SUCLG2: variants seen among roughly 807,000 people sequenced by gnomAD.
The protein encoded by SUCLG2 is succinate-CoA ligase GDP-forming subunit beta, also known as succinate--CoA ligase [GDP-forming] subunit beta, mitochondrial.
Under a neutral mutation model 47.9 loss-of-function variants are expected in SUCLG2, and 42 were observed. The ratio of observed to expected loss-of-function variants is 0.88; its 90% CI spans 0.69 to 1.14. SUCLG2 has a LOEUF of 1.14. Among genes scored for constraint, SUCLG2 ranks in the 50% most tolerant of loss-of-function variants. The pLI is 0.00. For missense variants in SUCLG2, 571 were observed against 525.9 expected (o/e 1.09, Z -0.84); for synonymous variants, 195 against 197.3 (o/e 0.99, Z 0.10).
intron 1 of SUCLG2, among the ~76,000 whole-genome samples, chr3:67,643,400 A>G (rs1304568306): frequency 2.0e-5 from 3 of 152,188 alleles, no homozygotes; most frequent in African/African-American, 7.2e-5. Flanking sequence ...TGGAAGTTTG[A>G]TGATGTTTCT....
At chr3:67,608,549 T>A (rs1480389069) in intron 2 of SUCLG2, among the ~76,000 whole-genome samples, 1 of 152,182 alleles carries the variant, frequency 6.6e-6, no homozygotes, top group East Asian at 1.9e-4. Flanking sequence ...TGCTCCACTG[T>A]TGTACTATTC....
At chr3:67,517,397 T>A (rs922401907) in intron 6 of SUCLG2, among the ~76,000 whole-genome samples, 1 of 152,122 alleles carries the variant, frequency 6.6e-6, no homozygotes, top group African/African-American at 2.4e-5. Context: ...TGTAACCTTT[T>A]CATAAAGCCC....
In SUCLG2 at chr3:67,572,081, T is replaced by A. The variant is rs192799549; in HGVS notation, c.226+37374A>T. 3.1e-3 allele frequency among the ~76,000 whole-genome samples: 467 copies of A among 152,326 alleles called. 8 individuals are homozygous for A. Among genetic ancestry groups the A allele is most frequent in the Non-Finnish European group, 7.4e-4 (50 of 68,024 alleles). On this transcript the variant is annotated intron_variant, in intron 2 of 10. Transcript: ENST00000307227. ...AACTGCCAGGTAGGCAGCTCCTTCC[T>A]TTATGATCATCTTCCAGGAAATTAC...
At chr3:67,641,465 A>G (rs1203854422) in intron 1 of SUCLG2, among the ~76,000 whole-genome samples, 1 of 152,180 alleles carries the variant, frequency 6.6e-6, no homozygotes, top group Non-Finnish European at 1.5e-5. Context: ...AAAGTTACAA[A>G]TTTCAAAAAC....
chr3:67,495,980 G>C, intron 8 of SUCLG2, 40 bp from the exon 9 acceptor site: 1 of 1,612,294 alleles, frequency 6.2e-7, no homozygotes, highest in South Asian at 1.1e-5. Context: ...GCTACATTTA[G>C]CAACATGAAA....
At chr3:67,407,832 T>C (rs1196014766) in intron 9 of SUCLG2, among the ~76,000 whole-genome samples, 2 of 152,236 alleles carry the variant, frequency 1.3e-5, no homozygotes, top group Admixed American at 1.3e-4. Flanking sequence ...GCATCTGTTT[T>C]TGTGAAACTG....
At chr3:67,500,670 C>T (rs1316251551) in intron 7 of SUCLG2, among the ~76,000 whole-genome samples, 1 of 152,168 alleles carries the variant, frequency 6.6e-6, no homozygotes, top group Non-Finnish European at 1.5e-5. Context: ...TGGCTTTCCA[C>T]TAGGTTTATA....
chr3:67,482,639 A>G (rs1704947568), intron 9 of SUCLG2, among the ~76,000 whole-genome samples: 2 of 152,202 alleles, frequency 1.3e-5, no homozygotes, highest in Non-Finnish European at 2.9e-5. Flanking sequence ...AGGTTATAAA[A>G]CACAGAAAAT....
At chr3:67,544,648 AG>A (rs1559565595) in intron 2 of SUCLG2, among the ~76,000 whole-genome samples, 1 of 152,210 alleles carries the variant, frequency 6.6e-6, no homozygotes, top group East Asian at 1.9e-4. Flanking sequence ...CAACGTCATG[AG>A]GAAGAGCTGT....
intron 9 of SUCLG2, among the ~76,000 whole-genome samples, chr3:67,445,771 T>TA (rs200470483): frequency 3.6e-4 from 21 of 58,004 alleles, no homozygotes; most frequent in African/African-American, 1.5e-3. Context: ...AAAATTTCAT[T>TA]TAAAAAAAAA....
intron 1 of SUCLG2, among the ~76,000 whole-genome samples, chr3:67,645,730 T>C (rs146618474): frequency 2.1e-4 from 32 of 152,004 alleles, no homozygotes; most frequent in African/African-American, 7.5e-4. Flanking sequence ...CTCCACTTTC[T>C]ATTACTTATT....
In SUCLG2 at chr3:67,609,452, T is replaced by G; in HGVS notation, c.226+3A>C. On this transcript the variant is annotated splice_donor_region_variant and intron_variant, in intron 2 of 10. Coordinates refer to ENST00000307227, the MANE Select transcript of SUCLG2 (RefSeq NM_003848.4). ...GTATTTCACCCATTATGAATCAGCT[T>G]ACTTAGTCTCTTAGCAGCCTCGAGA... 6.2e-7 allele frequency: 1 copy of G among 1,610,942 alleles called. No individual in the cohort carries two copies. The highest frequency in any genetic ancestry group is 1.1e-5 in the South Asian group (1 of 90,752).
At chr3:67,563,959 C>CAAAAAAAAAAAAA (rs756674869) in intron 2 of SUCLG2, among the ~76,000 whole-genome samples, 13 of 77,856 alleles carry the variant, frequency 1.7e-4, no homozygotes, top group Non-Finnish European at 2.3e-4. Flanking sequence ...GACTCTGTCT[C>CAAAAAAAAAAAAA]AAAAAAAAAA....
At chr3:67,425,518 A>G (rs1237577836) in intron 9 of SUCLG2, among the ~76,000 whole-genome samples, 2 of 152,140 alleles carry the variant, frequency 1.3e-5, no homozygotes, top group African/African-American at 4.8e-5. Flanking sequence ...GGGCCTAAGC[A>G]TAAAAAAAAA....
intron 9 of SUCLG2, among the ~76,000 whole-genome samples, chr3:67,477,227 A>G (rs1324559404): frequency 1.3e-5 from 2 of 152,072 alleles, no homozygotes; most frequent in Admixed American, 6.6e-5. Context: ...ATTGCTCTGG[A>G]GTAAGGTCTG....
intron 2 of SUCLG2, among the ~76,000 whole-genome samples, chr3:67,548,289 T>G (rs756681514): frequency 5.9e-4 from 90 of 152,304 alleles, no homozygotes; most frequent in Non-Finnish European, 1.0e-3. Context: ...AATGTTCTAT[T>G]ATTAAAATTT....
chr3:67,574,246 C>T (rs749406780), intron 2 of SUCLG2, among the ~76,000 whole-genome samples: 2 of 152,154 alleles, frequency 1.3e-5, no homozygotes, highest in Admixed American at 6.5e-5. Context: ...CTCATCTAAA[C>T]GTTTATACTT....
At chr3:67,569,598 C>T (rs2107233744) in intron 2 of SUCLG2, among the ~76,000 whole-genome samples, 1 of 152,280 alleles carries the variant, frequency 6.6e-6, no homozygotes, top group Admixed American at 6.5e-5. Flanking sequence ...CTTGCTTGGG[C>T]CCCAGGATTC....
chr3:67,648,992 T>C (rs996137506), intron 1 of SUCLG2, among the ~76,000 whole-genome samples: 1 of 152,106 alleles, frequency 6.6e-6, no homozygotes, highest in Non-Finnish European at 1.5e-5. Context: ...AATGAACAAA[T>C]AACACTACCA....
Sources: gnomAD v4.1 joint callset for allele counts (sites outside exome capture counted in the v4.1 genomes callset) on GRCh38, gnomAD v4.1.1 for gene constraint, MANE v1.5 for transcripts, NCBI Gene and HGNC (gene_info 2026-07-23, HGNC 2026-07-21) for gene names.